The following AATF variants were observed in gnomAD, a reference collection of about 807,000 sequenced individuals.
AATF encodes apoptosis antagonizing transcription factor.
A neutral mutation model predicts 63.7 loss-of-function variants in AATF; 48 were observed. That is an observed-to-expected ratio of 0.75 (90% CI 0.60 to 0.96). The LOEUF (loss-of-function observed/expected upper bound fraction) is 0.96, where lower values mean the gene tolerates loss of function less well. Among genes scored for constraint, AATF ranks in the 40% least tolerant of loss-of-function variants. The pLI, the probability that AATF is intolerant of heterozygous loss-of-function variation, is 0.00. For missense variants in AATF, 639 were observed against 685.7 expected, an observed-to-expected ratio of 0.93 and a Z score of 0.76; for synonymous variants, 258 against 247.7, an observed-to-expected ratio of 1.04 and a Z score of -0.39.
intron 11 of AATF, among the ~76,000 whole-genome samples, chr17:37,040,492 T>C (rs899331180): frequency 4.0e-5 from 6 of 150,962 alleles, no homozygotes; most frequent in African/African-American, 1.5e-4. Context: ...CAGTGATTGA[T>C]GTTATCTGCA....
Position 37,052,969 on chromosome 17 carries a change from C to T in AATF, c.1620-3632C>T, listed in dbSNP as rs551550895. Among the ~76,000 whole-genome samples the T allele has an allele frequency of 6.2e-4, 94 of 152,196 alleles. 2 individuals carry two copies. In the South Asian group the frequency reaches 0.014, roughly 23 times the overall value. ...GACCGTTAGGACTAATGTTTGGGGA[C>T]GAGTCACTGTGCGATTTTTTGTGTG... On this transcript the variant is annotated intron_variant, in intron 11 of 11. Coordinates refer to ENST00000619387, the MANE Select transcript of AATF (RefSeq NM_012138.4).
At chr17:37,006,267 C>G (rs1488354869) in intron 8 of AATF, among the ~76,000 whole-genome samples, 1 of 152,062 alleles carries the variant, frequency 6.6e-6, no homozygotes, top group Non-Finnish European at 1.5e-5. Context: ...GTCAGGAGTT[C>G]GAGACCAGCC....
intron 11 of AATF, among the ~76,000 whole-genome samples, chr17:37,036,657 A>G (rs944639325): frequency 1.3e-5 from 2 of 151,418 alleles, no homozygotes; most frequent in Non-Finnish European, 2.9e-5. Flanking sequence ...CCCTGTTGTT[A>G]CCAAATTTCC....
At chr17:37,022,290 A>G (rs1034843474) in intron 10 of AATF, among the ~76,000 whole-genome samples, 1 of 152,210 alleles carries the variant, frequency 6.6e-6, no homozygotes, top group African/African-American at 2.4e-5. Context: ...GAACCTGCCT[A>G]TCATTAAATT....
intron 8 of AATF, among the ~76,000 whole-genome samples, chr17:36,992,614 ATT>A (rs5820200): frequency 6.9e-4 from 95 of 138,030 alleles, no homozygotes; most frequent in Admixed American, 8.0e-4. Flanking sequence ...CTTAGTCTGA[ATT>A]TTTTTTTTTT....
intron 8 of AATF, among the ~76,000 whole-genome samples, chr17:37,013,728 A>G (rs974418054): frequency 2.0e-5 from 3 of 152,210 alleles, no homozygotes; most frequent in Non-Finnish European, 4.4e-5. Flanking sequence ...GAGGGGACAA[A>G]CATCCCAACT....
intron 11 of AATF, among the ~76,000 whole-genome samples, chr17:37,045,151 G>A (rs1196892933): frequency 6.6e-6 from 1 of 152,132 alleles, no homozygotes; most frequent in Non-Finnish European, 1.5e-5. Flanking sequence ...CCTGGTCATG[G>A]GAAGCTCTCA....
chr17:37,014,701 G>A (rs547074409), intron 8 of AATF, among the ~76,000 whole-genome samples: 49 of 152,066 alleles, frequency 3.2e-4, no homozygotes, highest in Non-Finnish European at 5.9e-4. Context: ...TCTTTGATTT[G>A]GGAAAATTTT....
At chr17:36,994,994 A>G (rs557400517) in intron 8 of AATF, among the ~76,000 whole-genome samples, 1 of 152,330 alleles carries the variant, frequency 6.6e-6, no homozygotes, top group African/African-American at 2.4e-5. Flanking sequence ...TTCTTTTCAT[A>G]TCCCAGATCG....
chr17:37,027,969 TATTTA>T (rs1289921961), intron 10 of AATF, among the ~76,000 whole-genome samples: 2 of 152,210 alleles, frequency 1.3e-5, no homozygotes, highest in Non-Finnish European at 2.9e-5. Context: ...TTAAAAGATA[TATTTA>T]ATTAACAGTA....
chr17:37,051,529 C>G (rs1331621908), intron 11 of AATF, among the ~76,000 whole-genome samples: 1 of 152,130 alleles, frequency 6.6e-6, no homozygotes, highest in Non-Finnish European at 1.5e-5. Flanking sequence ...CGGTGAGGGG[C>G]TGCATTCTCA....
At chr17:37,001,386 A>G (rs2071293489) in intron 8 of AATF, among the ~76,000 whole-genome samples, 1 of 127,818 alleles carries the variant, frequency 7.8e-6, no homozygotes, top group Non-Finnish European at 1.7e-5. Flanking sequence ...AGAGAGAAAA[A>G]GGTATGGGAG....
chr17:37,046,740 C>CAA (rs2071696030), intron 11 of AATF, among the ~76,000 whole-genome samples: 1 of 150,664 alleles, frequency 6.6e-6, no homozygotes, highest in Non-Finnish European at 1.5e-5. Flanking sequence ...AACACACACA[C>CAA]ACACACACAC....
chr17:36,973,766 A>G (rs372817075), intron 4 of AATF, among the ~76,000 whole-genome samples: 1 of 152,222 alleles, frequency 6.6e-6, no homozygotes, highest in African/African-American at 2.4e-5. Flanking sequence ...TTCCTTATAT[A>G]AAATTTAGAA....
intron 8 of AATF, among the ~76,000 whole-genome samples, chr17:37,001,367 AGAG>A (rs1372112338): frequency 2.3e-5 from 3 of 131,434 alleles, no homozygotes; most frequent in Non-Finnish European, 4.8e-5. Flanking sequence ...AGAAAGAGAG[AGAG>A]GGGAGAGAGA....
intron 4 of AATF, among the ~76,000 whole-genome samples, chr17:36,960,473 A>G (rs1319376907): frequency 2.0e-5 from 3 of 152,350 alleles, no homozygotes; most frequent in Non-Finnish European, 4.4e-5. Flanking sequence ...CACATAGTTC[A>G]AAATTCAAAA....
At chr17:37,004,555 G>A (rs1434216684) in intron 8 of AATF, among the ~76,000 whole-genome samples, 1 of 152,140 alleles carries the variant, frequency 6.6e-6, no homozygotes, top group Non-Finnish European at 1.5e-5. Flanking sequence ...TACACAAGTA[G>A]GGAGGGGTTG....
chr17:36,997,006 T>C (rs1159780283), intron 8 of AATF, among the ~76,000 whole-genome samples: 1 of 152,230 alleles, frequency 6.6e-6, no homozygotes, highest in Admixed American at 6.5e-5. Flanking sequence ...AGAAACTTTT[T>C]CAAACACAAA....
chr17:37,025,928 A>G (rs1322880016), intron 10 of AATF, among the ~76,000 whole-genome samples: 1 of 152,218 alleles, frequency 6.6e-6, no homozygotes, highest in Non-Finnish European at 1.5e-5. Flanking sequence ...TTTGTCCATT[A>G]CAAAGAGAAA....
Sources: gnomAD v4.1 joint callset for allele counts (sites outside exome capture counted in the v4.1 genomes callset) on GRCh38, gnomAD v4.1.1 for gene constraint, MANE v1.5 for transcripts, NCBI Gene and HGNC (gene_info 2026-07-23, HGNC 2026-07-21) for gene names.